OPCML: variants seen among roughly 807,000 people sequenced by gnomAD.
OPCML encodes opioid-binding protein/cell adhesion molecule.
Under a neutral mutation model 37.8 loss-of-function variants are expected in OPCML, and 13 were observed. The ratio of observed to expected loss-of-function variants is 0.34; its 90% CI spans 0.22 to 0.55. The LOEUF (loss-of-function observed/expected upper bound fraction) is 0.55, where lower values mean the gene tolerates loss of function less well. OPCML is among the 20% of genes least tolerant of loss of function. The pLI is 0.91. For synonymous variants in OPCML, 176 were observed against 168.8 expected, an observed-to-expected ratio of 1.04 and a Z score of -0.33; for missense variants, 341 against 435.6, an observed-to-expected ratio of 0.78 and a Z score of 1.93.
intron 1 of OPCML, among the ~76,000 whole-genome samples, chr11:133,036,999 C>T (rs1947795136): frequency 6.6e-6 from 1 of 152,184 alleles, no homozygotes; most frequent in Admixed American, 6.5e-5. Flanking sequence ...CCACAGTGTT[C>T]TGTTTCTCCC....
intron 3 of OPCML, among the ~76,000 whole-genome samples, chr11:132,554,217 C>G (rs1377935962): frequency 6.6e-6 from 1 of 152,242 alleles, no homozygotes; most frequent in African/African-American, 2.4e-5. Flanking sequence ...TGTCAGTCTG[C>G]TGTTCCACAG....
At chr11:133,194,792 C>G (rs1194937195) in intron 1 of OPCML, among the ~76,000 whole-genome samples, 3 of 152,298 alleles carry the variant, frequency 2.0e-5, no homozygotes, top group East Asian at 1.9e-4. Flanking sequence ...CCCACATTTT[C>G]CCTTCAGAAC....
intron 1 of OPCML, among the ~76,000 whole-genome samples, chr11:133,011,455 A>G (rs1947211838): frequency 1.3e-5 from 2 of 152,212 alleles, no homozygotes; most frequent in African/African-American, 2.4e-5. Flanking sequence ...AATTGGAGTC[A>G]ATGACCTTTT....
intron 4 of OPCML, among the ~76,000 whole-genome samples, chr11:132,497,323 A>T (rs938488603): frequency 6.6e-6 from 1 of 151,188 alleles, no homozygotes; most frequent in East Asian, 2.0e-4. Flanking sequence ...TGATGGGATG[A>T]TCTGCGTAGC....
chr11:133,158,712 A>AATAAAATAAAATAAAATAAAAT (rs1555105907), intron 1 of OPCML, among the ~76,000 whole-genome samples: 3 of 134,204 alleles, frequency 2.2e-5, no homozygotes, highest in Non-Finnish European at 4.6e-5. Flanking sequence ...ATAAAATTAA[A>AATAAAATAAAATAAAATAAAAT]AAAATAAAAT....
chr11:132,529,205 G>A lies in OPCML; in HGVS notation c.380-19C>T. The A allele has an allele frequency of 1.3e-6, 2 of 1,595,400 alleles. No homozygotes were observed. The highest frequency in any genetic ancestry group is 1.3e-5 in the African/African-American group (1 of 74,554). Reference sequence around the variant, plus strand: ...GGAGGAACTGTAAGGAAACAGGATAGAAGAAATACCTGAGAATAATTCTTT... The same window carrying A: ...GGAGGAACTGTAAGGAAACAGGATAAAAGAAATACCTGAGAATAATTCTTT... On this transcript the variant is annotated intron_variant, in intron 3 of 7. Coordinates refer to ENST00000524381, the MANE Select transcript of OPCML (RefSeq NM_001012393.5).
intron 2 of OPCML, among the ~76,000 whole-genome samples, chr11:132,836,568 A>G (rs1308915654): frequency 6.6e-6 from 1 of 152,230 alleles, no homozygotes; most frequent in Non-Finnish European, 1.5e-5. Flanking sequence ...TCATTGGATT[A>G]TGACAGCTCA....
Position 133,532,442 on chromosome 11 carries a change from G to A in OPCML, c.-118C>T. The A allele has an allele frequency of 3.1e-6, 4 of 1,272,904 alleles. No homozygotes were observed. Among genetic ancestry groups the A allele is most frequent in the Non-Finnish European group, 4.4e-6 (4 of 900,158 alleles). The allele number at this position is 1,272,904 out of a possible 1,614,324, so 78.9% of individuals were successfully genotyped here. A position where few individuals can be genotyped will look rare whatever the true frequency, so the allele number is the denominator to read the frequency against. On this transcript the variant is annotated 5_prime_UTR_variant, in exon 1 of 8. Coordinates refer to ENST00000524381, the MANE Select transcript of OPCML (RefSeq NM_001012393.5). ...TTTAAATCCAATGTTTGCAAAGGGA[G>A]GGAGAGAGCAGAAGAGAGAGAGAGC... is the stretch of plus-strand genomic sequence containing the variant.
chr11:132,996,962 C>T (rs1423421873), intron 1 of OPCML, among the ~76,000 whole-genome samples: 4 of 152,218 alleles, frequency 2.6e-5, no homozygotes, highest in East Asian at 1.9e-4. Context: ...TTTCCTGGTG[C>T]GGCCTCTGCC....
At chr11:133,505,759 A>C (rs1948016427) in intron 1 of OPCML, among the ~76,000 whole-genome samples, 1 of 152,244 alleles carries the variant, frequency 6.6e-6, no homozygotes, top group Non-Finnish European at 1.5e-5. Flanking sequence ...TAGAAAGAGG[A>C]CATGAATTAT....
At chr11:133,049,780 T>C (rs949728025) in intron 1 of OPCML, among the ~76,000 whole-genome samples, 2 of 152,220 alleles carry the variant, frequency 1.3e-5, no homozygotes, top group Non-Finnish European at 2.9e-5. Flanking sequence ...GGCTTCTTTA[T>C]GTGTCAGCTC....
intron 2 of OPCML, among the ~76,000 whole-genome samples, chr11:132,683,406 A>T (rs1943036069): frequency 6.6e-6 from 1 of 152,200 alleles, no homozygotes; most frequent in Non-Finnish European, 1.5e-5. Flanking sequence ...TGACAGGTGC[A>T]CTACTTTCTT....
intron 1 of OPCML, among the ~76,000 whole-genome samples, chr11:133,180,834 A>G (rs1275674628): frequency 7.0e-6 from 1 of 143,152 alleles, no homozygotes; most frequent in Admixed American, 7.0e-5. Flanking sequence ...AGTGCTCAGC[A>G]AAGCAAAAAA....
intron 4 of OPCML, among the ~76,000 whole-genome samples, chr11:132,528,262 G>C (rs1284005001): frequency 8.7e-5 from 13 of 149,450 alleles, no homozygotes; most frequent in Non-Finnish European, 1.9e-4. Flanking sequence ...TGAATGTTAT[G>C]TAGCCATATT....
intron 1 of OPCML, among the ~76,000 whole-genome samples, chr11:133,154,464 T>C (rs1950028993): frequency 6.6e-6 from 1 of 152,204 alleles, no homozygotes; most frequent in East Asian, 1.9e-4. Context: ...ACATAAGGTT[T>C]TGTCACATTC....
chr11:133,255,530 A>G (rs1941283566), intron 1 of OPCML, among the ~76,000 whole-genome samples: 1 of 152,240 alleles, frequency 6.6e-6, no homozygotes, highest in Admixed American at 6.5e-5. Context: ...TAACAAAGCC[A>G]AAAGACAAAT....
chr11:133,478,249 C>T (rs376854910), intron 1 of OPCML, among the ~76,000 whole-genome samples: 93 of 152,286 alleles, frequency 6.1e-4, no homozygotes, highest in African/African-American at 2.2e-3. Context: ...CTGCCTGCCT[C>T]TCCCAGCATC....
At position 133,174,423 on chromosome 11, in the gene OPCML, T is replaced by C. The variant is rs923393827; in HGVS notation, c.62-231413A>G. Among the ~76,000 whole-genome samples the C allele has an allele frequency of 2.6e-5, 4 of 152,078 alleles. No individual in the cohort carries two copies. Among genetic ancestry groups the C allele is most frequent in the Non-Finnish European group, 4.4e-5 (3 of 68,030 alleles). ...GGCAGCTAAACCTTACCTCTGGATA[T>C]AGGAGAAGGAATGGTTTTCTCAGAC... On this transcript the variant is annotated intron_variant, in intron 1 of 7. Transcript: ENST00000524381. The surrounding 1 kb of genome is among the most constrained non-coding windows in gnomAD (Gnocchi z 4.6).
intron 1 of OPCML, among the ~76,000 whole-genome samples, chr11:133,374,640 C>T (rs1944758634): frequency 6.6e-6 from 1 of 152,158 alleles, no homozygotes; most frequent in African/African-American, 2.4e-5. Context: ...ATCGTCCTAC[C>T]CTGCTACTAA....
Sources: gnomAD v4.1 joint callset for allele counts (sites outside exome capture counted in the v4.1 genomes callset) on GRCh38, gnomAD v4.1.1 for gene constraint, Gnocchi (gnomAD v3.1) non-coding constraint, MANE v1.5 for transcripts, NCBI Gene and HGNC (gene_info 2026-07-23, HGNC 2026-07-21) for gene names.